Variants in PRKAR1A observed in about 807,000 individuals in gnomAD.
PRKAR1A encodes protein kinase cAMP-dependent type I regulatory subunit alpha.
Under a neutral mutation model 52.0 loss-of-function variants are expected in PRKAR1A, and 3 were observed. The ratio of observed to expected loss-of-function variants is 0.06; its 90% CI spans 0.03 to 0.15. The LOEUF (loss-of-function observed/expected upper bound fraction) is 0.15. Ranked by LOEUF, PRKAR1A falls within the 10% of genes least tolerant of loss-of-function variation. The pLI is 1.00. For synonymous variants in PRKAR1A, 188 were observed against 168.4 expected (o/e 1.12, Z -0.90); for missense variants, 240 against 477.4 (o/e 0.50, Z 4.63).
exon 12 of PRKAR1A, chr17:68,551,297 TATAAA>T: frequency 2.3e-6 from 1 of 434,088 alleles, no homozygotes; most frequent in Non-Finnish European, 3.9e-6. Context: ...ATGAATAAAA[TATAAA>T]TTAATGTAAA....
intron 11 of PRKAR1A, among the ~76,000 whole-genome samples, chr17:68,550,457 C>A (rs1005086161): frequency 1.3e-5 from 2 of 148,206 alleles, no homozygotes; most frequent in Non-Finnish European, 3.0e-5. Context: ...CTCAGCTCAC[C>A]GCAACCTCCT....
At chr17:68,534,468 C>G (rs116121087), downstream of PRKAR1A, among the ~76,000 whole-genome samples, 166 of 152,022 alleles carry the variant, frequency 1.1e-3, 1 homozygote, top group African/African-American at 3.7e-3. Context: ...GTTTGAGCCT[C>G]CCAACACACA....
the PRKAR1A span, among the ~76,000 whole-genome samples, chr17:68,487,504 T>C: frequency 6.6e-6 from 1 of 152,206 alleles, no homozygotes; most frequent in Non-Finnish European, 1.5e-5. Flanking sequence ...TATTGACTTA[T>C]TGGAAAAGTG....
chr17:68,436,491 G>A, the PRKAR1A span: 1 of 1,612,350 alleles, frequency 6.2e-7, no homozygotes. Context: ...TGGCAAAGAA[G>A]AAACAGAACA....
chr17:68,426,678 G>C, the PRKAR1A span, among the ~76,000 whole-genome samples: 2 of 152,108 alleles, frequency 1.3e-5, no homozygotes, highest in African/African-American at 4.8e-5. Context: ...GATTGCAAGT[G>C]TGTGCCAACA....
At chr17:68,452,804 G>T in the PRKAR1A span, 1 of 981,532 alleles carries the variant, frequency 1.0e-6, no homozygotes, top group Admixed American at 2.2e-5. Flanking sequence ...AAGTTTGATG[G>T]CTAAGGAAGG....
the PRKAR1A span, among the ~76,000 whole-genome samples, chr17:68,432,410 C>G: frequency 6.6e-6 from 1 of 152,210 alleles, no homozygotes; most frequent in Non-Finnish European, 1.5e-5. Context: ...CTCTTTCAGC[C>G]TTGTGTCATG....
chr17:68,544,926 A>T (rs1350557943), intron 11 of PRKAR1A, among the ~76,000 whole-genome samples: 1 of 152,164 alleles, frequency 6.6e-6, no homozygotes, highest in Non-Finnish European at 1.5e-5. Flanking sequence ...GGTTGTTTTT[A>T]CTTTAGATCA....
chr17:68,462,562 C>T, the PRKAR1A span, among the ~76,000 whole-genome samples: 3 of 152,172 alleles, frequency 2.0e-5, no homozygotes, highest in African/African-American at 7.2e-5. Context: ...CCACATCTAT[C>T]TGGTCTAGGA....
the PRKAR1A span, among the ~76,000 whole-genome samples, chr17:68,465,894 A>G: frequency 0.27 from 40,996 of 151,890 alleles, 6,140 homozygotes; most frequent in Non-Finnish European, 0.32. Context: ...TGATGGGGGC[A>G]GAGACCAGGT....
the PRKAR1A span, chr17:68,428,920 G>A: frequency 7.4e-6 from 12 of 1,613,718 alleles, no homozygotes; most frequent in South Asian, 2.2e-5. Flanking sequence ...ACTAGCAGCC[G>A]TGGCAACTTC....
At chr17:68,494,102 T>C in the PRKAR1A span, among the ~76,000 whole-genome samples, 1 of 152,248 alleles carries the variant, frequency 6.6e-6, no homozygotes, top group Admixed American at 6.5e-5. Flanking sequence ...TAAAAATATA[T>C]AATCAAAAAT....
chr17:68,429,095 A>G, the PRKAR1A span, among the ~76,000 whole-genome samples: 2 of 152,180 alleles, frequency 1.3e-5, no homozygotes, highest in Non-Finnish European at 2.9e-5. Flanking sequence ...ATTCCTTTGC[A>G]TTCTGGCCTT....
At chr17:68,454,429 C>T in the PRKAR1A span, among the ~76,000 whole-genome samples, 1 of 152,116 alleles carries the variant, frequency 6.6e-6, no homozygotes, top group African/African-American at 2.4e-5. Flanking sequence ...TTTTTCCCTA[C>T]CCAGACATTT....
chr17:68,484,535 T>C, the PRKAR1A span, among the ~76,000 whole-genome samples: 1 of 152,172 alleles, frequency 6.6e-6, no homozygotes, highest in Admixed American at 6.5e-5. Context: ...TTTTATTTCT[T>C]GCTTTTGCCT....
the PRKAR1A span, among the ~76,000 whole-genome samples, chr17:68,453,987 T>C: frequency 3.1e-4 from 47 of 152,328 alleles, no homozygotes; most frequent in African/African-American, 1.1e-3. Context: ...CTTTCTACTA[T>C]ATCCTACAAA....
chr17:68,454,726 G>A, the PRKAR1A span, among the ~76,000 whole-genome samples: 80 of 152,314 alleles, frequency 5.3e-4, no homozygotes, highest in African/African-American at 1.9e-3. Context: ...AAATATAGAT[G>A]TGTTTGGCTG....
Position 68,515,455 on chromosome 17 carries a change from A to C in PRKAR1A, c.56A>C (p.Glu19Ala), listed in dbSNP as rs780569077. 6.2e-7 allele frequency: 1 copy of C among 1,613,674 alleles called. No individual in the cohort carries two copies. The highest frequency in any genetic ancestry group is 1.7e-5 in the Admixed American group (1 of 60,024). Residue 19 changes from glutamate to alanine, a missense_variant, in exon 2 of 11, where the codon GAG (glutamate) becomes GCG (alanine). Around this residue, in one of 4 missense-constraint regions of PRKAR1A, gnomAD observed 107 missense variants for 114.6 expected, o/e 0.93. Transcript: ENST00000589228. ...SEEARSLRECELYVQKHNIQA... is the reference protein window; with the variant it reads ...SEEARSLRECALYVQKHNIQA... ...GAGGCACGCAGCCTTCGAGAATGTG[A>C]GCTCTACGTCCAGAAGCATAACATT...
the PRKAR1A span, among the ~76,000 whole-genome samples, chr17:68,473,068 T>A: frequency 2.6e-5 from 4 of 152,264 alleles, no homozygotes; most frequent in Non-Finnish European, 5.9e-5. Context: ...ACTTCATTTT[T>A]AATTGATATA....
Sources: allele counts gnomAD v4.1 joint callset (sites outside exome capture counted in the v4.1 genomes callset), GRCh38; gene constraint gnomAD v4.1.1; regional missense constraint gnomAD v4.1.1; transcripts MANE v1.5; gene names NCBI Gene and HGNC (gene_info 2026-07-23, HGNC 2026-07-21).